TM9SF2: variants seen among roughly 807,000 people sequenced by gnomAD.
TM9SF2 encodes 76 kDa membrane protein.
Under a neutral mutation model 84.9 loss-of-function variants are expected in TM9SF2, and 13 were observed. The observed-to-expected ratio is 0.15, with a 90% CI of 0.10 to 0.24. The LOEUF (loss-of-function observed/expected upper bound fraction) is 0.24, where lower values mean the gene tolerates loss of function less well. Among genes scored for constraint, TM9SF2 ranks in the 10% least tolerant of loss-of-function variants. The pLI is 1.00. For synonymous variants in TM9SF2, 273 were observed against 285.8 expected (o/e 0.96, Z 0.45); for missense variants, 562 against 818.5 (o/e 0.69, Z 3.82).
At chr13:99,516,940 T>G (rs573216113) in intron 1 of TM9SF2, among the ~76,000 whole-genome samples, 2 of 152,346 alleles carry the variant, frequency 1.3e-5, no homozygotes, top group Non-Finnish European at 2.9e-5. Flanking sequence ...ATTTTTGTGC[T>G]GCAGAGTGTA....
At chr13:99,551,950 T>G (rs2046307059) in intron 12 of TM9SF2, among the ~76,000 whole-genome samples, 1 of 152,226 alleles carries the variant, frequency 6.6e-6, no homozygotes, top group South Asian at 2.1e-4. Context: ...GAACTGACTT[T>G]CATAGGCTGC....
At chr13:99,535,996 G>A (rs539098159) in intron 4 of TM9SF2, among the ~76,000 whole-genome samples, 3 of 152,088 alleles carry the variant, frequency 2.0e-5, no homozygotes, top group South Asian at 4.1e-4. Context: ...TTTTTGTATA[G>A]CTTTCACTTT....
intron 16 of TM9SF2, among the ~76,000 whole-genome samples, chr13:99,561,390 A>T (rs1372128509): frequency 6.6e-6 from 1 of 152,238 alleles, no homozygotes; most frequent in Non-Finnish European, 1.5e-5. Flanking sequence ...CTGGATAGTG[A>T]TTAAATGTTC....
At chr13:99,546,882 T>C (rs1002290120) in intron 10 of TM9SF2, 103 bp from the exon 11 acceptor site, 3 of 1,515,256 alleles carry the variant, frequency 2.0e-6, no homozygotes, top group Non-Finnish European at 2.7e-6. Flanking sequence ...TTGCGTGAAG[T>C]TGTATTTTTT....
chr13:99,540,460 T>G (rs2046253668), intron 7 of TM9SF2: 1 of 244,986 alleles, frequency 4.1e-6, no homozygotes, highest in Admixed American at 5.5e-5. Flanking sequence ...AGTTATAATT[T>G]AAAGCAATAC....
chr13:99,527,189 T>A (rs2046187347), intron 3 of TM9SF2, among the ~76,000 whole-genome samples: 1 of 152,140 alleles, frequency 6.6e-6, no homozygotes, highest in Non-Finnish European at 1.5e-5. Flanking sequence ...CTTCTGGTGG[T>A]GACTAATATT....
chr13:99,530,001 A>G (rs184797615), intron 4 of TM9SF2, among the ~76,000 whole-genome samples: 1 of 152,300 alleles, frequency 6.6e-6, no homozygotes, highest in Admixed American at 6.5e-5. Flanking sequence ...TATACTACAT[A>G]TAGTCTATTA....
At chr13:99,517,978 T>A (rs1447144117) in intron 2 of TM9SF2, among the ~76,000 whole-genome samples, 1 of 152,216 alleles carries the variant, frequency 6.6e-6, no homozygotes, top group Non-Finnish European at 1.5e-5. Context: ...AATTTTTATG[T>A]CCCACATAAT....
chr13:99,518,087 A>G (rs115200501), intron 2 of TM9SF2, among the ~76,000 whole-genome samples: 1,554 of 152,252 alleles, frequency 0.01, 29 homozygotes, highest in African/African-American at 0.035. Flanking sequence ...TTTGTTTTAA[A>G]CAGAAGTAGA....
rs114727494 is a variant in TM9SF2 at position 99,520,212 on chromosome 13, A to G, written c.333+83A>G. The G allele has an allele frequency of 9.0e-4, 1,064 of 1,186,504 alleles. 11 individuals carry two copies. In the African/African-American group the frequency reaches 0.015, roughly 16 times the overall value. The allele number at this position is 1,186,504 out of a possible 1,614,324, so 73.5% of individuals were successfully genotyped here. A position where few individuals can be genotyped will look rare whatever the true frequency, so the allele number is the denominator to read the frequency against. On this transcript the variant is annotated intron_variant, in intron 3 of 16. Coordinates refer to ENST00000376387, the MANE Select transcript of TM9SF2 (RefSeq NM_004800.3). ...AAGAAAAGCCTGAGATAACTCAGCT[A>G]TCATTGCTAAGGAGGAGTTCATTTC...
intron 1 of TM9SF2, among the ~76,000 whole-genome samples, chr13:99,505,115 A>G (rs1384337021): frequency 7.0e-6 from 1 of 143,054 alleles, no homozygotes; most frequent in African/African-American, 2.6e-5. Context: ...TTTAATTTTT[A>G]TTTATCAATT....
At chr13:99,519,973 G>C in intron 2 of TM9SF2, 63 bp from the exon 3 acceptor site, 1 of 1,445,750 alleles carries the variant, frequency 6.9e-7, no homozygotes, top group Non-Finnish European at 9.7e-7. Flanking sequence ...CTCAAGATTG[G>C]CTAGGTGTTT....
rs1466394063 is a variant in TM9SF2, at chr13:99,563,301, A to G, written c.*543A>G. The G allele has an allele frequency of 6.6e-6, 1 of 152,236 alleles. No homozygotes were observed. Among genetic ancestry groups the G allele is most frequent in the African/African-American group, 2.4e-5 (1 of 41,460 alleles). The allele number at this position is 152,236 out of a possible 1,614,324, so 9.4% of individuals were successfully genotyped here. Reference sequence around the variant, plus strand: ...CTTCTTACTTTTCTGTGTTGACTTCATTATTCCCATGGTATTGGCCTTTTA... The same window carrying G: ...CTTCTTACTTTTCTGTGTTGACTTCGTTATTCCCATGGTATTGGCCTTTTA... On this transcript the variant is annotated 3_prime_UTR_variant, in exon 17 of 17. Coordinates refer to ENST00000376387, the MANE Select transcript of TM9SF2 (RefSeq NM_004800.3).
intron 11 of TM9SF2, among the ~76,000 whole-genome samples, chr13:99,547,970 TGTGTGTTTTAA>T (rs1294918955): frequency 1.2e-4 from 19 of 152,240 alleles, no homozygotes; most frequent in African/African-American, 4.3e-4. Flanking sequence ...CCTGTATGTA[TGTGTGTTTTAA>T]GTGTGTTTTA....
Position 99,529,455 on chromosome 13 carries a change from C to A in TM9SF2, c.334-12C>A, listed in dbSNP as rs911501920. The A allele has an allele frequency of 2.6e-6, 4 of 1,518,668 alleles. No homozygotes were observed. The highest frequency in any genetic ancestry group is 3.5e-6 in the Non-Finnish European group (4 of 1,140,668). 94.1% of individuals were successfully genotyped at this position (1,518,668 alleles called of 1,614,324 possible). A position where few individuals can be genotyped will look rare whatever the true frequency, so the allele number is the denominator to read the frequency against. On this transcript the variant is annotated splice_polypyrimidine_tract_variant and intron_variant, in intron 3 of 16. Coordinates refer to ENST00000376387, the MANE Select transcript of TM9SF2 (RefSeq NM_004800.3). ...TTTTTCTGAATTTGCTTTCCACTTC[C>A]TTTTAATACAGTTTACGTTTAATAA...
At position 99,501,630 on chromosome 13, in the gene TM9SF2, G is replaced by A; in HGVS notation, c.24G>A (p.Leu8=). The A allele has an allele frequency of 6.2e-7, 1 of 1,612,972 alleles. No homozygotes were observed. Among genetic ancestry groups the A allele is most frequent in the Non-Finnish European group, 8.5e-7 (1 of 1,179,516 alleles). Residue 8 remains leucine, a synonymous_variant, in exon 1 of 17, where the codon TTG becomes TTA. Coordinates refer to ENST00000376387, the MANE Select transcript of TM9SF2 (RefSeq NM_004800.3). MSARLPV[L]SPPRWPRLLL... The stretch of plus-strand genomic sequence containing the variant: ...TCATGAGCGCGAGGCTGCCGGTGTT[G>A]TCTCCACCTCGGTGGCCGCGGCTGT...
chr13:99,540,860 A>C, intron 8 of TM9SF2, 67 bp downstream of exon 8: 178 of 1,342,752 alleles, frequency 1.3e-4, no homozygotes, highest in Middle Eastern at 1.8e-4. Context: ...TGAACATCTC[A>C]TTTACTCTCA....
intron 3 of TM9SF2, among the ~76,000 whole-genome samples, chr13:99,523,109 A>G (rs756982553): frequency 2.0e-5 from 3 of 152,186 alleles, no homozygotes; most frequent in Non-Finnish European, 4.4e-5. Context: ...AAATGTATTG[A>G]CCAACATTTT....
intron 4 of TM9SF2, 113 bp downstream of exon 4, chr13:99,529,707 CT>C (rs559563708): frequency 1.5e-4 from 182 of 1,204,234 alleles, no homozygotes; most frequent in South Asian, 4.1e-4. Context: ...AATTGATTTC[CT>C]TTTTTTTGTT....
Sources: gnomAD v4.1 joint callset for allele counts (sites outside exome capture counted in the v4.1 genomes callset) on GRCh38, gnomAD v4.1.1 for gene constraint, MANE v1.5 for transcripts, NCBI Gene and HGNC (gene_info 2026-07-23, HGNC 2026-07-21) for gene names.